The following PXDNL variants were observed in gnomAD, a reference collection of about 807,000 sequenced individuals.
The protein encoded by PXDNL is peroxidasin like.
PXDNL carries 145 observed loss-of-function variants against 150.8 expected under a neutral mutation model. The ratio of observed to expected loss-of-function variants is 0.96; its 90% CI spans 0.84 to 1.10. PXDNL has a LOEUF of 1.10. Ranked by LOEUF, PXDNL falls within the 50% of genes least tolerant of loss-of-function variation. The pLI is 0.00. For missense variants in PXDNL, 2,087 were observed against 1,873.9 expected (o/e 1.11, Z -2.10); for synonymous variants, 757 against 725.7 (o/e 1.04, Z -0.69).
intron 4 of PXDNL, among the ~76,000 whole-genome samples, chr8:51,549,414 T>C (rs921616018): frequency 2.0e-5 from 3 of 152,058 alleles, no homozygotes; most frequent in Non-Finnish European, 4.4e-5. Flanking sequence ...TTCTCCAAGA[T>C]AGAACATTAT....
chr8:51,752,977 C>T (rs1228219566), intron 1 of PXDNL, among the ~76,000 whole-genome samples: 1 of 152,208 alleles, frequency 6.6e-6, no homozygotes, highest in Non-Finnish European at 1.5e-5. Flanking sequence ...CTGCCAGAAT[C>T]CTGGGGAAAG....
intron 1 of PXDNL, among the ~76,000 whole-genome samples, chr8:51,802,114 A>T (rs948522947): frequency 6.6e-6 from 1 of 151,798 alleles, no homozygotes; most frequent in Admixed American, 6.6e-5. Flanking sequence ...TTTTTTTTTT[A>T]AAGAAGTTAG....
chr8:51,499,861 TG>T, intron 4 of PXDNL, 91 bp from the exon 5 acceptor site: 4 of 810,340 alleles, frequency 4.9e-6, no homozygotes, highest in Non-Finnish European at 8.6e-6. Flanking sequence ...GCTGAAATTA[TG>T]AATTTCACTG....
At position 51,409,438 on chromosome 8, in the gene PXDNL, G is replaced by A. The variant is rs565390923; in HGVS notation, c.2186C>T (p.Ala729Val). 6 of 1,612,598 alleles carry A rather than the reference G, an allele frequency of 3.7e-6. No individual in the cohort carries two copies. The East Asian group carries it at 1.3e-4, about 36-fold the overall frequency. Residue 729 changes from alanine (A) to valine (V), a missense_variant, in exon 17 of 23, where the codon GCC becomes GTC. By Grantham distance (64) the Ala-to-Val change is moderately conservative. Coordinates refer to ENST00000356297, the MANE Select transcript of PXDNL (RefSeq NM_144651.5). ...CAGGTTGTTGCACGTGCCGTCGTGG[G>A]CGCGGTACTTCGCATGGAAACACCG... is the stretch of plus-strand genomic sequence containing the variant. ...SNRCFHAKYR[A>V]HDGTCNNLQQ...
chr8:51,353,143 T>A (rs972216090), intron 19 of PXDNL, among the ~76,000 whole-genome samples: 1 of 150,890 alleles, frequency 6.6e-6, no homozygotes, highest in Admixed American at 6.6e-5. Flanking sequence ...ATTATGTTAT[T>A]GTGTATATTA....
chr8:51,322,301 G>A (rs775317660), intron 21 of PXDNL, among the ~76,000 whole-genome samples: 1 of 150,532 alleles, frequency 6.6e-6, no homozygotes, highest in Non-Finnish European at 1.5e-5. Flanking sequence ...AGGAGAACAA[G>A]CAGGGAAAAG....
At chr8:51,330,038 T>C (rs1236967032) in intron 21 of PXDNL, among the ~76,000 whole-genome samples, 1 of 152,172 alleles carries the variant, frequency 6.6e-6, no homozygotes, top group Non-Finnish European at 1.5e-5. Flanking sequence ...ACTCAAGCTG[T>C]CAGGCACAGT....
intron 1 of PXDNL, among the ~76,000 whole-genome samples, chr8:51,741,970 A>T (rs1317106524): frequency 6.6e-6 from 1 of 152,242 alleles, no homozygotes; most frequent in Admixed American, 6.5e-5. Context: ...CATAACACCC[A>T]AAATGTGGAA....
At chr8:51,593,829 T>C (rs1813502349) in intron 2 of PXDNL, among the ~76,000 whole-genome samples, 2 of 152,200 alleles carry the variant, frequency 1.3e-5, no homozygotes, top group African/African-American at 4.8e-5. Flanking sequence ...ATCTACAGCT[T>C]GCATTGGAGG....
intron 4 of PXDNL, among the ~76,000 whole-genome samples, chr8:51,523,862 G>A (rs1811710699): frequency 6.6e-6 from 1 of 152,100 alleles, no homozygotes; most frequent in African/African-American, 2.4e-5. Flanking sequence ...TTTAATCCCT[G>A]AAAGAAATCA....
At chr8:51,670,657 T>C (rs1440570057) in intron 1 of PXDNL, among the ~76,000 whole-genome samples, 3 of 152,218 alleles carry the variant, frequency 2.0e-5, no homozygotes, top group Non-Finnish European at 4.4e-5. Context: ...CTCCAATTTT[T>C]TATTTATCAT....
Position 51,608,223 on chromosome 8 carries a change from A to T in PXDNL, c.237-15525T>A, listed in dbSNP as rs1252046972. Reference sequence around the variant, plus strand: ...GCTAACATGGTGAAACCCCGTCTCTACTAAAAATACAAAAAATTAGCCAGG... The same window carrying T: ...GCTAACATGGTGAAACCCCGTCTCTTCTAAAAATACAAAAAATTAGCCAGG... On this transcript the variant is annotated intron_variant, in intron 2 of 22. Transcript: ENST00000356297. 1.4e-5 allele frequency among the ~76,000 whole-genome samples: 2 copies of T among 146,952 alleles called. 1 individual carries two copies. The highest frequency in any genetic ancestry group is 3.0e-5 in the Non-Finnish European group (2 of 67,452).
chr8:51,365,894 A>C lies in PXDNL; in HGVS notation c.3901+5979T>G, dbSNP rs143545542. 2.0e-5 allele frequency among the ~76,000 whole-genome samples: 3 copies of C among 152,328 alleles called. No homozygotes were observed. The East Asian group carries it at 5.8e-4, about 29-fold the overall frequency. On this transcript the variant is annotated intron_variant, in intron 19 of 22. Coordinates refer to ENST00000356297, the MANE Select transcript of PXDNL (RefSeq NM_144651.5). The stretch of plus-strand genomic sequence containing the variant: ...CCCCAACAAACCAGACAAAAGCAAA[A>C]TGGAGGCACTTATGCTAAAAGCAGC...
chr8:51,536,072 G>C (rs891278892), intron 4 of PXDNL, among the ~76,000 whole-genome samples: 5 of 152,244 alleles, frequency 3.3e-5, no homozygotes, highest in African/African-American at 1.2e-4. Context: ...GCCAGCAACA[G>C]GCACCTGACC....
chr8:51,447,680 C>A (rs1038389568), intron 11 of PXDNL, among the ~76,000 whole-genome samples: 13 of 152,128 alleles, frequency 8.5e-5, no homozygotes, highest in Non-Finnish European at 1.3e-4. Context: ...CTTATATGAG[C>A]CTCTGAATCC....
chr8:51,637,953 A>T (rs1331471804), intron 2 of PXDNL, among the ~76,000 whole-genome samples: 4 of 152,174 alleles, frequency 2.6e-5, no homozygotes, highest in African/African-American at 9.7e-5. Flanking sequence ...GCCAGAGAGA[A>T]AGGTCGGGTT....
At chr8:51,339,138 G>C (rs757442028) in intron 21 of PXDNL, among the ~76,000 whole-genome samples, 1 of 152,064 alleles carries the variant, frequency 6.6e-6, no homozygotes, top group African/African-American at 2.4e-5. Flanking sequence ...TTTCCCCAAG[G>C]CCTCCTTCCC....
chr8:51,730,890 G>T (rs1352534143), intron 1 of PXDNL, among the ~76,000 whole-genome samples: 1 of 152,116 alleles, frequency 6.6e-6, no homozygotes, highest in Non-Finnish European at 1.5e-5. Flanking sequence ...CACAAGAACA[G>T]CACAAGAAAG....
At chr8:51,347,968 A>G (rs1806213061) in intron 19 of PXDNL, among the ~76,000 whole-genome samples, 1 of 152,232 alleles carries the variant, frequency 6.6e-6, no homozygotes, top group Admixed American at 6.5e-5. Flanking sequence ...CAATCGTAAA[A>G]TGAAACTCAG....
Sources: allele counts gnomAD v4.1 joint callset (sites outside exome capture counted in the v4.1 genomes callset), GRCh38; gene constraint gnomAD v4.1.1; transcripts MANE v1.5; gene names NCBI Gene and HGNC (gene_info 2026-07-23, HGNC 2026-07-21).